PHEX: variants seen among roughly 807,000 people sequenced by gnomAD.
PHEX encodes phosphate regulating endopeptidase X-linked, also known as phosphate-regulating neutral endopeptidase PHEX.
Under a neutral mutation model 68.0 loss-of-function variants are expected in PHEX, and 16 were observed. The ratio of observed to expected loss-of-function variants is 0.24; its 90% CI spans 0.16 to 0.36. The LOEUF is 0.36. Among genes scored for constraint, PHEX ranks in the 10% least tolerant of loss-of-function variants. The probability of loss-of-function intolerance (pLI) is 1.00; values close to 1 mark genes in which losing one functional copy is unlikely to be tolerated. For synonymous variants in PHEX, 208 were observed against 205.1 expected, an observed-to-expected ratio of 1.01 and a Z score of -0.12; for missense variants, 480 against 575.5, an observed-to-expected ratio of 0.83 and a Z score of 1.70.
chrX:22,052,430 G>C (rs1371015144), intron 3 of PHEX, among the ~76,000 whole-genome samples: 1 of 111,361 alleles, frequency 9.0e-6, no homozygotes, highest in East Asian at 2.8e-4. Context: ...GTTTCGCCAT[G>C]TTTGCCAGGC....
At chrX:22,097,066 CT>C in intron 8 of PHEX, 28 bp downstream of exon 8, 1 of 991,436 alleles carries the variant, frequency 1.0e-6, no homozygotes, top group Non-Finnish European at 1.4e-6. Flanking sequence ...AGAAAACTTT[CT>C]CTCAACTCAT....
intron 5 of PHEX, among the ~76,000 whole-genome samples, chrX:22,084,678 C>T (rs754783168): frequency 2.3e-4 from 25 of 109,251 alleles, no homozygotes; most frequent in African/African-American, 8.0e-4. Flanking sequence ...TTCAATCTTG[C>T]TACTAGGTAT....
chrX:22,201,493 C>T (rs1569425793), intron 15 of PHEX, among the ~76,000 whole-genome samples: 1 of 111,011 alleles, frequency 9.0e-6, no homozygotes, highest in Non-Finnish European at 1.9e-5. Context: ...ACCTGCTACA[C>T]CGATTTTAAG....
intron 2 of PHEX, among the ~76,000 whole-genome samples, chrX:22,045,072 G>A (rs1432692459): frequency 9.2e-6 from 1 of 108,366 alleles, no homozygotes; most frequent in Non-Finnish European, 1.9e-5. Flanking sequence ...GAAAATGGTG[G>A]GGATTTTGAG....
At chrX:22,105,966 G>A (rs1930666522) in intron 9 of PHEX, among the ~76,000 whole-genome samples, 1 of 111,940 alleles carries the variant, frequency 8.9e-6, no homozygotes, top group Non-Finnish European at 1.9e-5. Flanking sequence ...AGAGGCTTTA[G>A]GAAATGATTT....
At chrX:22,214,562 G>A (rs761480450) in intron 16 of PHEX, among the ~76,000 whole-genome samples, 1 of 111,999 alleles carries the variant, frequency 8.9e-6, no homozygotes, top group African/African-American at 3.2e-5. Context: ...GCTTCAGAGT[G>A]ATCCCATCTC....
In PHEX at chrX:22,248,515, T is replaced by C. The variant is rs1160210071; in HGVS notation, c.*562T>C. 1.7e-5 allele frequency: 2 copies of C among 118,472 alleles called. No individual in the cohort carries two copies. The highest frequency in any genetic ancestry group is 5.0e-4 in the East Asian group (2 of 3,968). 9.8% of individuals were successfully genotyped at this position (118,472 alleles called of 1,213,427 possible). On this transcript the variant is annotated 3_prime_UTR_variant, in exon 22 of 22. Transcript: ENST00000379374. ...CTCCATTTTACACTTTTTGATGAAG[T>C]TCTTGCCTTCAGCTTTGGAGTCTGT...
At chrX:22,161,127 C>A (rs1291218601) in intron 12 of PHEX, among the ~76,000 whole-genome samples, 1 of 105,967 alleles carries the variant, frequency 9.4e-6, no homozygotes, top group Admixed American at 9.8e-5. Flanking sequence ...CAGAGCGAGG[C>A]TCCACCTCAA....
intron 14 of PHEX, among the ~76,000 whole-genome samples, chrX:22,189,725 C>A (rs1467742646): frequency 6.2e-5 from 7 of 112,646 alleles, no homozygotes. Flanking sequence ...TGATCTCACT[C>A]TTTACAGAAA....
chrX:22,074,036 AC>A (rs1164835332), intron 3 of PHEX, among the ~76,000 whole-genome samples: 2 of 111,313 alleles, frequency 1.8e-5, no homozygotes, highest in Non-Finnish European at 3.8e-5. Context: ...CCAAGAAACA[AC>A]ACAGGCTATG....
At chrX:22,078,784 T>TTC (rs1277347962) in intron 5 of PHEX, among the ~76,000 whole-genome samples, 1 of 112,010 alleles carries the variant, frequency 8.9e-6, no homozygotes, top group African/African-American at 3.2e-5. Context: ...TATGGCGGGC[T>TTC]GGCCCAGTGG....
At chrX:22,036,903 C>T (rs1180994068) in intron 1 of PHEX, among the ~76,000 whole-genome samples, 1 of 108,653 alleles carries the variant, frequency 9.2e-6, no homozygotes, top group Non-Finnish European at 1.9e-5. Flanking sequence ...CGAGACCATC[C>T]TGGCTAACAC....
In PHEX at chrX:22,090,417, T is replaced by C. The variant is rs973741547; in HGVS notation, c.664-12T>C. 1 of 1,197,483 alleles carries C rather than the reference T, an allele frequency of 8.4e-7. No individual in the cohort carries two copies. Among genetic ancestry groups the C allele is most frequent in the Non-Finnish European group, 1.1e-6 (1 of 882,591 alleles). On this transcript the variant is annotated splice_polypyrimidine_tract_variant and intron_variant, in intron 5 of 21. Transcript: ENST00000379374. The stretch of plus-strand genomic sequence containing the variant: ...AGTGCTAGCAGAATGCTTTCTGTTT[T>C]TGTTTTTACAGCTGGACCAAGCAAC...
intron 20 of PHEX, among the ~76,000 whole-genome samples, chrX:22,241,841 C>T (rs1184343530): frequency 8.9e-6 from 1 of 111,963 alleles, no homozygotes; most frequent in African/African-American, 3.3e-5. Context: ...CGAATTCGAC[C>T]AGAGGTACAA....
chrX:22,160,632 G>T (rs1933091859), intron 12 of PHEX, among the ~76,000 whole-genome samples: 1 of 109,706 alleles, frequency 9.1e-6, no homozygotes, highest in Non-Finnish European at 1.9e-5. Flanking sequence ...GATCTCCTGA[G>T]ACTTACTCAC....
intron 18 of PHEX, 147 bp from the exon 19 acceptor site, chrX:22,226,296 T>C (rs748647074): frequency 2.3e-5 from 11 of 481,495 alleles, no homozygotes; most frequent in Non-Finnish European, 4.0e-5. Flanking sequence ...TCTTACAATA[T>C]ATTATGCCTA....
At chrX:22,231,343 A>AT (rs1253106141) in intron 20 of PHEX, among the ~76,000 whole-genome samples, 1 of 111,976 alleles carries the variant, frequency 8.9e-6, no homozygotes. Context: ...TTCAGAAGGA[A>AT]TGGTACCAGC....
At chrX:22,145,144 G>A (rs1307782131) in intron 12 of PHEX, among the ~76,000 whole-genome samples, 2 of 112,010 alleles carry the variant, frequency 1.8e-5, no homozygotes, top group Non-Finnish European at 3.8e-5. Flanking sequence ...GTGTTCAGGT[G>A]TTGTCAGCCT....
At chrX:22,201,720 CA>C (rs770314993) in intron 15 of PHEX, among the ~76,000 whole-genome samples, 12 of 111,721 alleles carry the variant, frequency 1.1e-4, no homozygotes, top group African/African-American at 3.9e-4. Context: ...TTGCCGCTTG[CA>C]GGGTATTTCT....
Sources: gnomAD v4.1 joint callset for allele counts (sites outside exome capture counted in the v4.1 genomes callset) on GRCh38, gnomAD v4.1.1 for gene constraint, MANE v1.5 for transcripts, NCBI Gene and HGNC (gene_info 2026-07-23, HGNC 2026-07-21) for gene names.